ANTXRL: variants seen among roughly 807,000 people sequenced by gnomAD.
The protein encoded by ANTXRL is ANTXR like, also known as anthrax toxin receptor-like.
In ANTXRL, 63 loss-of-function variants were observed where a neutral mutation model predicts 75.4. The observed-to-expected ratio is 0.84, with a 90% CI of 0.68 to 1.03. The LOEUF (loss-of-function observed/expected upper bound fraction) is 1.03, where lower values mean the gene tolerates loss of function less well. ANTXRL is among the 50% of genes least tolerant of loss of function. The pLI, the probability that ANTXRL is intolerant of heterozygous loss-of-function variation, is 0.00. For missense variants in ANTXRL, 797 were observed against 789.4 expected, an observed-to-expected ratio of 1.01 and a Z score of -0.12; for synonymous variants, 335 against 291.3, an observed-to-expected ratio of 1.15 and a Z score of -1.53.
At chr10:46,293,987 G>A in intron 3 of ANTXRL, 87 bp downstream of exon 3, 1 of 1,298,652 alleles carries the variant, frequency 7.7e-7, no homozygotes. Flanking sequence ...CGGAGACCTT[G>A]GTTGGGAGCC....
chr10:46,309,608 C>G (rs113934750), intron 13 of ANTXRL, among the ~76,000 whole-genome samples: 2 of 152,216 alleles, frequency 1.3e-5, no homozygotes, highest in African/African-American at 4.8e-5. Context: ...TGAGGCCCTG[C>G]TGGCCCAAAT....
chr10:46,297,020 C>A (rs1281930212), intron 5 of ANTXRL, among the ~76,000 whole-genome samples: 1 of 152,146 alleles, frequency 6.6e-6, no homozygotes, highest in Non-Finnish European at 1.5e-5. Flanking sequence ...CCCCTCTCAG[C>A]CCCTTCTCTG....
At chr10:46,318,752 AT>A (rs1838851160) in intron 16 of ANTXRL, among the ~76,000 whole-genome samples, 1 of 152,272 alleles carries the variant, frequency 6.6e-6, no homozygotes, top group East Asian at 1.9e-4. Context: ...ATGTTTAAGG[AT>A]TGTTTAACAT....
In ANTXRL at chr10:46,297,860, C is replaced by T. The variant is rs540161585; in HGVS notation, c.684C>T (p.His228=). The change falls in exon 8 of 17, where the codon CAC becomes CAT. Residue 228 remains histidine, a synonymous_variant. Coordinates refer to ENST00000620264, the MANE Select transcript of ANTXRL (RefSeq NM_001278688.3). ...QITAIADSPG[H]VFAVENGFKA... The stretch of plus-strand genomic sequence containing the variant: ...CAGCAATTGCAGACAGCCCTGGCCA[C>T]GTGTTTGCAGTGGAGAATGGCTTCA... 276 of 1,535,904 alleles carry T rather than the reference C, an allele frequency of 1.8e-4. 3 individuals are homozygous for T. The East Asian group carries it at 6.3e-3, about 35-fold the overall frequency.
At chr10:46,290,355 G>T (rs74368641) in intron 1 of ANTXRL, among the ~76,000 whole-genome samples, 3 of 152,076 alleles carry the variant, frequency 2.0e-5, no homozygotes, top group Admixed American at 2.0e-4. Context: ...TTATCTTTTC[G>T]TCTGTTGATG....
At chr10:46,306,976 A>C in intron 11 of ANTXRL, 104 bp downstream of exon 11, 1 of 984,226 alleles carries the variant, frequency 1.0e-6, no homozygotes, top group Non-Finnish European at 1.5e-6. Flanking sequence ...CTGCTGGGAC[A>C]GCACATATCT....
Position 46,287,276 on chromosome 10 carries a change from A to T in ANTXRL, c.14A>T (p.Glu5Val), listed in dbSNP as rs1383019233. The change falls in exon 1 of 17, where the codon GAG (glutamate) becomes GTG (valine). Residue 5 changes from glutamate (E) to valine (V), a missense_variant. Physicochemically the swap from Glu to Val is moderately radical, Grantham distance 121. This residue lies in a region of ANTXRL where 262 missense variants were observed against 271.9 expected (regional missense o/e 0.96). Transcript: ENST00000620264. The stretch of plus-strand genomic sequence containing the variant: ...GACAGCCAGATAATGGGGAGCCATG[A>T]GTCCCTGGGGCCCTACTTCCTGGTC... MGSH[E>V]SLGPYFLVFL... 1 of 1,535,716 alleles carries T rather than the reference A, an allele frequency of 6.5e-7. No individual in the cohort carries two copies. Among genetic ancestry groups the T allele is most frequent in the East Asian group, 2.4e-5 (1 of 40,922 alleles).
Position 46,297,455 on chromosome 10 carries a change from C to T in ANTXRL, c.635C>T (p.Ala212Val). Residue 212 changes from alanine to valine, a missense_variant, in exon 7 of 17, where the codon GCT becomes GTT. Around this residue, in one of 3 missense-constraint regions of ANTXRL, gnomAD observed 262 missense variants for 271.9 expected, o/e 0.96. Coordinates refer to ENST00000620264, the MANE Select transcript of ANTXRL (RefSeq NM_001278688.3). The part of the protein sequence containing the change: ...LGANVYTLGV[A>V]DYNLDQITAI... Reference sequence around the variant, plus strand: ...GCCAACGTTTACACCCTGGGTGTGGCTGATTATAATCTGGATCAGGTAATT... The same window carrying T: ...GCCAACGTTTACACCCTGGGTGTGGTTGATTATAATCTGGATCAGGTAATT... 6.5e-7 allele frequency: 1 copy of T among 1,535,816 alleles called. No homozygotes were observed.
intron 15 of ANTXRL, among the ~76,000 whole-genome samples, chr10:46,312,595 C>T (rs1456835194): frequency 2.1e-5 from 3 of 144,826 alleles, no homozygotes; most frequent in African/African-American, 7.6e-5. Flanking sequence ...AGGCCTGTCT[C>T]TCCTCAGAGT....
chr10:46,299,951 C>T (rs1382547145), intron 9 of ANTXRL, among the ~76,000 whole-genome samples: 4 of 152,306 alleles, frequency 2.6e-5, no homozygotes, highest in African/African-American at 9.6e-5. Context: ...TCCTCCCCCT[C>T]GGGGTCTCTT....
At chr10:46,315,167 A>C (rs2999412) in intron 16 of ANTXRL, among the ~76,000 whole-genome samples, 83,679 of 151,510 alleles carry the variant, frequency 0.55, 23,575 homozygotes, top group African/African-American at 0.73. Context: ...ACAGGGTCAG[A>C]CTGTAAGCCT....
intron 2 of ANTXRL, among the ~76,000 whole-genome samples, chr10:46,293,305 TGTGTGCGTGTGTGCCTGTGTGTGA>T (rs1406931366): frequency 5.0e-5 from 7 of 140,724 alleles, no homozygotes; most frequent in Non-Finnish European, 7.9e-5. Flanking sequence ...TGCCTGTGTG[TGTGTGCGTGTGTGCCTGTGTGTGA>T]GTGTGTGCGT....
chr10:46,317,939 C>T (rs1838813130), intron 16 of ANTXRL, among the ~76,000 whole-genome samples: 2 of 152,106 alleles, frequency 1.3e-5, no homozygotes, highest in South Asian at 4.1e-4. Context: ...TCTCAAACTC[C>T]AGGAACCTCC....
intron 16 of ANTXRL, among the ~76,000 whole-genome samples, chr10:46,318,289 A>C (rs1838830326): frequency 6.6e-6 from 1 of 152,070 alleles, no homozygotes; most frequent in Admixed American, 6.6e-5. Context: ...AGCAATAAAA[A>C]ACAAAATACC....
intron 13 of ANTXRL, 43 bp from the exon 14 acceptor site, chr10:46,310,418 C>A: frequency 6.5e-7 from 1 of 1,531,464 alleles, no homozygotes; most frequent in Non-Finnish European, 8.8e-7. Flanking sequence ...CAGAGCCCGC[C>A]CACCCCCATC....
intron 2 of ANTXRL, chr10:46,293,184 A>G (rs72790450): frequency 0.17 from 25,505 of 151,964 alleles, 1,826 homozygotes; most frequent in Non-Finnish European, 0.19. Flanking sequence ...GTGCATGTTC[A>G]GGTGCATGTG....
intron 7 of ANTXRL, 34 bp from the exon 8 acceptor site, chr10:46,297,797 G>C (rs1327738986): frequency 2.6e-6 from 4 of 1,526,698 alleles, no homozygotes; most frequent in Non-Finnish European, 3.5e-6. Context: ...CTCACCTCCT[G>C]GTGGGGAGTC....
At position 46,330,020 on chromosome 10, in the gene ANTXRL, C is replaced by T. The variant is rs781812848; in HGVS notation, c.1832C>T (p.Ser611Phe). The T allele has an allele frequency of 2.3e-5, 36 of 1,533,934 alleles. No individual in the cohort carries two copies. Among genetic ancestry groups the T allele is most frequent in the African/African-American group, 4.1e-5 (3 of 72,914 alleles). ...RPPSRMLPLL[S>F]PLLRHTAEPP... ...CCCTCCAGGATGCTGCCGCTGCTGT[C>T]CCCACTGCTCAGGCACACGGCAGAA... is the stretch of plus-strand genomic sequence containing the variant. The change falls in exon 17 of 17, where the codon TCC (serine) becomes TTC (phenylalanine). Residue 611 changes from serine to phenylalanine, a missense_variant. This residue lies in a region of ANTXRL where 479 missense variants were observed against 422.0 expected (regional missense o/e 1.14). Coordinates refer to ENST00000620264, the MANE Select transcript of ANTXRL (RefSeq NM_001278688.3).
rs1554963489 is a variant in ANTXRL at position 46,311,559 on chromosome 10, C to T, written c.1223C>T (p.Pro408Leu). 4 of 1,529,884 alleles carry T rather than the reference C, an allele frequency of 2.6e-6. No homozygotes were observed. The highest frequency in any genetic ancestry group is 1.7e-4 in the Middle Eastern group (1 of 5,988). 94.8% of individuals were successfully genotyped at this position (1,529,884 alleles called of 1,614,324 possible). Residue 408 changes from proline to leucine, a missense_variant, in exon 15 of 17, where the codon CCA (proline) becomes CTA (leucine). Physicochemically the swap from Pro to Leu is moderately conservative, Grantham distance 98. Transcript: ENST00000620264. ...TCACCACCACCACCGCCTCCGCCTC[C>T]ACCACCTCCACTCCCGCCTCCGCCC... ...PPSPPPPPPP[P>L]PPPLPPPPPA...
Sources: allele counts gnomAD v4.1 joint callset (sites outside exome capture counted in the v4.1 genomes callset), GRCh38; gene constraint gnomAD v4.1.1; regional missense constraint gnomAD v4.1.1; transcripts MANE v1.5; gene names NCBI Gene and HGNC (gene_info 2026-07-23, HGNC 2026-07-21).